Variants in MAST4 observed in about 807,000 individuals in gnomAD.
MAST4 encodes microtubule associated serine/threonine kinase family member 4, also known as microtubule-associated serine/threonine-protein kinase 4.
A neutral mutation model predicts 162.7 loss-of-function variants in MAST4; 89 were observed. The ratio of observed to expected loss-of-function variants is 0.55; its 90% CI spans 0.46 to 0.65. The LOEUF is 0.65. MAST4 is among the 30% of genes least tolerant of loss of function. MAST4 has a pLI of 0.00. For synonymous variants in MAST4, 1,479 were observed against 1,361.1 expected (o/e 1.09, Z -1.91); for missense variants, 3,153 against 3,374.0 (o/e 0.93, Z 1.62).
At chr5:66,848,785 A>G (rs1184601837) in intron 3 of MAST4, among the ~76,000 whole-genome samples, 1 of 152,012 alleles carries the variant, frequency 6.6e-6, no homozygotes, top group African/African-American at 2.4e-5. Context: ...TGAAAGTTGT[A>G]CTCATGATTT....
At chr5:66,833,795 A>G (rs1421970415) in intron 3 of MAST4, among the ~76,000 whole-genome samples, 1 of 152,170 alleles carries the variant, frequency 6.6e-6, no homozygotes, top group Non-Finnish European at 1.5e-5. Context: ...TATTTTAAAT[A>G]ATTTAAAATT....
intron 4 of MAST4, among the ~76,000 whole-genome samples, chr5:67,030,925 C>T (rs548408444): frequency 6.6e-6 from 1 of 152,148 alleles, no homozygotes; most frequent in East Asian, 1.9e-4. Flanking sequence ...AATTTTTTTC[C>T]TGTAGCTTTG....
chr5:66,836,892 C>G (rs1216222047), intron 3 of MAST4, among the ~76,000 whole-genome samples: 1 of 152,098 alleles, frequency 6.6e-6, no homozygotes, highest in Non-Finnish European at 1.5e-5. Flanking sequence ...TCATAACACA[C>G]AATTTACCTG....
At chr5:66,646,412 A>G (rs890376368) in intron 1 of MAST4, among the ~76,000 whole-genome samples, 1 of 152,248 alleles carries the variant, frequency 6.6e-6, no homozygotes, top group Non-Finnish European at 1.5e-5. Context: ...CTTCTTACAG[A>G]AGCCTTGAGC....
chr5:66,616,601 G>A (rs1001115669), intron 1 of MAST4, among the ~76,000 whole-genome samples: 4 of 151,988 alleles, frequency 2.6e-5, no homozygotes, highest in African/African-American at 7.3e-5. Flanking sequence ...GAGGGTGAAG[G>A]GCTTCTCTTC....
intron 4 of MAST4, among the ~76,000 whole-genome samples, chr5:67,039,280 G>A (rs890044212): frequency 6.6e-6 from 1 of 152,168 alleles, no homozygotes; most frequent in African/African-American, 2.4e-5. Context: ...TTTCATGTGG[G>A]TGAATTATTC....
chr5:66,959,323 A>G (rs1285088890), intron 4 of MAST4: 1 of 779,582 alleles, frequency 1.3e-6, no homozygotes, highest in East Asian at 2.4e-5. Flanking sequence ...TAATATTTTA[A>G]TGCTTTCTGC....
At chr5:66,876,291 G>A (rs1761297557) in intron 3 of MAST4, among the ~76,000 whole-genome samples, 1 of 152,172 alleles carries the variant, frequency 6.6e-6, no homozygotes, top group African/African-American at 2.4e-5. Context: ...CAGAGAAGGT[G>A]TCCTTGAAGT....
intron 4 of MAST4, among the ~76,000 whole-genome samples, chr5:66,944,819 A>G (rs945563629): frequency 1.3e-5 from 2 of 152,094 alleles, no homozygotes; most frequent in South Asian, 2.1e-4. Context: ...TTGCGAGAGT[A>G]GAAGCGCTTC....
intron 1 of MAST4, among the ~76,000 whole-genome samples, chr5:66,622,420 C>CTTTTT (rs35612725): frequency 2.8e-5 from 4 of 141,780 alleles, no homozygotes; most frequent in Admixed American, 7.0e-5. Context: ...CCTTGTAAGG[C>CTTTTT]TTTTTTTTTT....
rs1382582272 is a variant in MAST4 at position 66,883,427 on chromosome 5, T to C, written c.643-16524T>C. The stretch of plus-strand genomic sequence containing the variant: ...AGTTGTGTTGTTCTGTCACTGTTTT[T>C]TTTTTTTTTTTTTTTTTTTTAGATG... On this transcript the variant is annotated intron_variant, in intron 3 of 28. Transcript: ENST00000403625. Among the ~76,000 whole-genome samples the C allele has an allele frequency of 3.8e-5, 4 of 105,490 alleles. No homozygotes were observed. The East Asian group carries it at 8.3e-4, about 22-fold the overall frequency. 69.2% of individuals were successfully genotyped at this position (105,490 alleles called of 152,430 possible).
At chr5:66,729,943 G>A (rs1751740299) in intron 1 of MAST4, among the ~76,000 whole-genome samples, 1 of 152,202 alleles carries the variant, frequency 6.6e-6, no homozygotes, top group South Asian at 2.1e-4. Flanking sequence ...AATGACAAGA[G>A]GACTGTCAGG....
chr5:66,899,648 C>T (rs138882419), intron 3 of MAST4, among the ~76,000 whole-genome samples: 3 of 152,092 alleles, frequency 2.0e-5, no homozygotes, highest in African/African-American at 4.8e-5. Context: ...TCAGATTTTC[C>T]GTATGCTCAG....
Position 67,168,189 on chromosome 5 carries a change from A to T in MAST4, c.*1138A>T, listed in dbSNP as rs1003764126. On this transcript the variant is annotated 3_prime_UTR_variant, in exon 29 of 29. Coordinates refer to ENST00000403625, the MANE Select transcript of MAST4 (RefSeq NM_001164664.2). ...ATATCGATTAAAGAATAATCAGGAC[A>T]TCAGATACATTTTAATACATAGCTG... The T allele has an allele frequency of 1.3e-5, 2 of 152,178 alleles. No homozygotes were observed. Among genetic ancestry groups the T allele is most frequent in the African/African-American group, 2.4e-5 (1 of 41,438 alleles). The allele number at this position is 152,178 out of a possible 1,614,324, so 9.4% of individuals were successfully genotyped here. A position where few individuals can be genotyped will look rare whatever the true frequency, so the allele number is the denominator to read the frequency against.
At chr5:66,932,728 A>G (rs1226069273) in intron 4 of MAST4, among the ~76,000 whole-genome samples, 1 of 152,164 alleles carries the variant, frequency 6.6e-6, no homozygotes, top group Non-Finnish European at 1.5e-5. Flanking sequence ...CATGTCTGCA[A>G]TCTTTGACAT....
At chr5:66,633,879 C>A (rs182361093) in intron 1 of MAST4, among the ~76,000 whole-genome samples, 5 of 152,100 alleles carry the variant, frequency 3.3e-5, no homozygotes, top group Admixed American at 3.3e-4. Flanking sequence ...TGTTTTGGTG[C>A]AAGGCCGTCA....
intron 3 of MAST4, among the ~76,000 whole-genome samples, chr5:66,813,129 T>C (rs1756554353): frequency 6.6e-6 from 1 of 152,160 alleles, no homozygotes. Flanking sequence ...TGACAAAAAA[T>C]ATTCTTAGGA....
At chr5:67,003,509 C>T (rs535332273) in intron 4 of MAST4, among the ~76,000 whole-genome samples, 108 of 152,180 alleles carry the variant, frequency 7.1e-4, no homozygotes, top group Non-Finnish European at 1.0e-3. Flanking sequence ...TTTTTGTAAG[C>T]GAGTTTGTTC....
rs368860542 is a variant in MAST4, at chr5:66,916,957, C to T, written c.674+16975C>T. ...AACAATTTTTTTACCTATATCCTTA[C>T]GTACTGGTCCTTTTTTCTCCTATAG... is the stretch of plus-strand genomic sequence containing the variant. On this transcript the variant is annotated intron_variant, in intron 4 of 28. Transcript: ENST00000403625. The T allele has an allele frequency of 8.2e-5, 59 of 717,712 alleles. 1 individual carries two copies. The Middle Eastern group carries it at 1.1e-3, about 14-fold the overall frequency. 44.5% of individuals were successfully genotyped at this position (717,712 alleles called of 1,614,324 possible).
Sources: gnomAD v4.1 joint callset for allele counts (sites outside exome capture counted in the v4.1 genomes callset) on GRCh38, gnomAD v4.1.1 for gene constraint, MANE v1.5 for transcripts, NCBI Gene and HGNC (gene_info 2026-07-23, HGNC 2026-07-21) for gene names.